YPEL2: variants seen among roughly 807,000 people sequenced by gnomAD.
The protein encoded by YPEL2 is protein yippee-like 2.
A neutral mutation model predicts 19.1 loss-of-function variants in YPEL2; 2 were observed. The observed-to-expected ratio is 0.10, with a 90% CI of 0.04 to 0.33. The LOEUF (loss-of-function observed/expected upper bound fraction) is 0.33. Among genes scored for constraint, YPEL2 ranks in the 10% least tolerant of loss-of-function variants. YPEL2 has a pLI of 1.00. For missense variants in YPEL2, 66 were observed against 140.7 expected (o/e 0.47, Z 2.68); for synonymous variants, 52 against 50.0 (o/e 1.04, Z -0.17).
intron 1 of YPEL2, among the ~76,000 whole-genome samples, chr17:59,338,027 C>T (rs1315218172): frequency 6.6e-6 from 1 of 152,216 alleles, no homozygotes. Flanking sequence ...CAGCATTCTG[C>T]TTGCGAGGTG....
At position 59,400,176 on chromosome 17, in the gene YPEL2, A is replaced by T. The variant is rs927271578; in HGVS notation, c.*2986A>T. On this transcript the variant is annotated 3_prime_UTR_variant, in exon 5 of 5. Transcript: ENST00000312655. ...CCAAACTCGATACCCACAAGCTGTC[A>T]GCTGAACCTGACTGAGTGTTCTTCC... 2 of 152,658 alleles carry T rather than the reference A, an allele frequency of 1.3e-5. No individual in the cohort carries two copies. Among genetic ancestry groups the T allele is most frequent in the Admixed American group, 6.5e-5 (1 of 15,282 alleles). The allele number at this position is 152,658 out of a possible 1,614,324, so 9.5% of individuals were successfully genotyped here.
At chr17:59,392,567 A>G (rs1385690462) in intron 4 of YPEL2, among the ~76,000 whole-genome samples, 1 of 146,928 alleles carries the variant, frequency 6.8e-6, no homozygotes, top group Non-Finnish European at 1.5e-5. Flanking sequence ...CTGGAGTGCA[A>G]TGGTGTGATC....
At chr17:59,363,935 A>G (rs2047854888) in intron 2 of YPEL2, among the ~76,000 whole-genome samples, 1 of 151,946 alleles carries the variant, frequency 6.6e-6, no homozygotes, top group African/African-American at 2.4e-5. Flanking sequence ...CTCTCTATTC[A>G]GTTCCTACCC....
In YPEL2 at chr17:59,397,912, C is replaced by CA. The variant is rs1434164499; in HGVS notation, c.*723dup. 2 of 152,226 alleles carry CA rather than the reference C, an allele frequency of 1.3e-5. No individual in the cohort carries two copies. Among genetic ancestry groups the CA allele is most frequent in the Non-Finnish European group, 2.9e-5 (2 of 68,094 alleles). 9.4% of individuals were successfully genotyped at this position (152,226 alleles called of 1,614,324 possible). On this transcript the variant is annotated 3_prime_UTR_variant, in exon 5 of 5. Coordinates refer to ENST00000312655, the MANE Select transcript of YPEL2 (RefSeq NM_001005404.4). ...GGTGGGTGCGATGACTCTGATGCCT[C>CA]ACTCAGTCTCTGGGCAATCATCATC...
At chr17:59,381,384 G>A (rs1383912775) in intron 2 of YPEL2, among the ~76,000 whole-genome samples, 1 of 152,176 alleles carries the variant, frequency 6.6e-6, no homozygotes, top group Non-Finnish European at 1.5e-5. Context: ...AGAGAAGGGG[G>A]CTGAAGTTTG....
At chr17:59,389,516 A>C (rs369765495) in intron 4 of YPEL2, 48 bp downstream of exon 4, 9 of 1,472,254 alleles carry the variant, frequency 6.1e-6, no homozygotes. Context: ...GGGAATTGCC[A>C]AGAGCCTTAT....
intron 4 of YPEL2, 74 bp downstream of exon 4, chr17:59,389,542 T>C (rs1162256209): frequency 2.6e-6 from 3 of 1,172,162 alleles, no homozygotes; most frequent in Non-Finnish European, 3.7e-6. Flanking sequence ...AACACTTTCT[T>C]CTACTCGCTT....
intron 1 of YPEL2, among the ~76,000 whole-genome samples, chr17:59,349,421 G>A (rs182883631): frequency 1.2e-4 from 15 of 129,054 alleles, no homozygotes; most frequent in East Asian, 1.0e-3. Flanking sequence ...TGCAACCTCC[G>A]CCTCCCAGGC....
In YPEL2 at chr17:59,398,226, G is replaced by A. The variant is rs1261119327; in HGVS notation, c.*1036G>A. ...GGGTAGGGGTCATCCCAGGAGGAGG[G>A]GTTTACATTGGAACCAGTTCAGGTT... On this transcript the variant is annotated 3_prime_UTR_variant, in exon 5 of 5. Coordinates refer to ENST00000312655, the MANE Select transcript of YPEL2 (RefSeq NM_001005404.4). 6.6e-6 allele frequency: 1 copy of A among 152,140 alleles called. No individual in the cohort carries two copies. The allele number at this position is 152,140 out of a possible 1,614,324, so 9.4% of individuals were successfully genotyped here.
At chr17:59,391,206 TCTGAAGGAGC>T (rs988756374) in intron 4 of YPEL2, among the ~76,000 whole-genome samples, 33 of 152,152 alleles carry the variant, frequency 2.2e-4, no homozygotes, top group Non-Finnish European at 2.5e-4. Context: ...GCCTCTGGCT[TCTGAAGGAGC>T]CTGAAGGAGT....
intron 2 of YPEL2, among the ~76,000 whole-genome samples, chr17:59,377,137 A>G (rs1424507623): frequency 6.6e-6 from 1 of 152,170 alleles, no homozygotes; most frequent in Non-Finnish European, 1.5e-5. Flanking sequence ...CTTCATAGAC[A>G]ACCTTTGAAG....
At chr17:59,344,433 A>G (rs1243547503) in intron 1 of YPEL2, among the ~76,000 whole-genome samples, 5 of 152,210 alleles carry the variant, frequency 3.3e-5, no homozygotes, top group Admixed American at 3.3e-4. Flanking sequence ...GATGAAGGCA[A>G]CTGAAGGCAG....
chr17:59,374,599 G>T lies in YPEL2; in HGVS notation c.118-13728G>T, dbSNP rs182752490. On this transcript the variant is annotated intron_variant, in intron 2 of 4. Coordinates refer to ENST00000312655, the MANE Select transcript of YPEL2 (RefSeq NM_001005404.4). ...AAGCCCAATTAATTGTTTCAGTAAG[G>T]CCTGGTGCTTTGATTAACATTAGAA... is the stretch of plus-strand genomic sequence containing the variant. 2.0e-4 allele frequency among the ~76,000 whole-genome samples: 30 copies of T among 152,334 alleles called. No homozygotes were observed. The East Asian group carries it at 5.0e-3, about 25-fold the overall frequency.
chr17:59,380,579 C>A (rs1430143082), intron 2 of YPEL2, among the ~76,000 whole-genome samples: 1 of 152,188 alleles, frequency 6.6e-6, no homozygotes, highest in African/African-American at 2.4e-5. Flanking sequence ...CCTAACTTAT[C>A]TTTTACACAA....
chr17:59,363,437 A>G (rs2047852175), intron 2 of YPEL2, among the ~76,000 whole-genome samples: 1 of 151,008 alleles, frequency 6.6e-6, no homozygotes, highest in South Asian at 2.1e-4. Flanking sequence ...CCTCCCAAGT[A>G]GCTGGGATTA....
chr17:59,373,103 G>A (rs1338243349), intron 2 of YPEL2, among the ~76,000 whole-genome samples: 8 of 152,122 alleles, frequency 5.3e-5, no homozygotes, highest in African/African-American at 1.9e-4. Context: ...AACTGACCTC[G>A]TGATCCACCT....
intron 1 of YPEL2, among the ~76,000 whole-genome samples, chr17:59,339,631 G>C (rs1376811529): frequency 6.6e-6 from 1 of 152,162 alleles, no homozygotes; most frequent in Non-Finnish European, 1.5e-5. Context: ...GGAATTCAGG[G>C]ACTGAGAATA....
At chr17:59,348,985 G>C (rs1203723247) in intron 1 of YPEL2, among the ~76,000 whole-genome samples, 1 of 151,982 alleles carries the variant, frequency 6.6e-6, no homozygotes, top group Non-Finnish European at 1.5e-5. Flanking sequence ...AGGAGATCGA[G>C]ACCACGGTGA....
At chr17:59,361,931 G>T (rs1439324174) in intron 2 of YPEL2, among the ~76,000 whole-genome samples, 1 of 152,180 alleles carries the variant, frequency 6.6e-6, no homozygotes, top group South Asian at 2.1e-4. Flanking sequence ...CAGAGGCAGG[G>T]AGCACACAGG....
Sources: allele counts gnomAD v4.1 joint callset (sites outside exome capture counted in the v4.1 genomes callset), GRCh38; gene constraint gnomAD v4.1.1; transcripts MANE v1.5; gene names NCBI Gene and HGNC (gene_info 2026-07-23, HGNC 2026-07-21).